TAPBPL: variants seen among roughly 807,000 people sequenced by gnomAD.
TAPBPL encodes the protein tapasin-related protein.
A neutral mutation model predicts 44.8 loss-of-function variants in TAPBPL; 32 were observed. That is an observed-to-expected ratio of 0.71 (90% CI 0.54 to 0.96). The LOEUF (loss-of-function observed/expected upper bound fraction) is 0.96, where lower values mean the gene tolerates loss of function less well. TAPBPL is among the 40% of genes least tolerant of loss of function. TAPBPL has a pLI of 0.00. For synonymous variants in TAPBPL, 230 were observed against 240.7 expected, an observed-to-expected ratio of 0.96 and a Z score of 0.41; for missense variants, 520 against 586.6, an observed-to-expected ratio of 0.89 and a Z score of 1.17.
chr12:6,466,376 C>T (rs1950026231), downstream of TAPBPL: 6 of 1,595,384 alleles, frequency 3.8e-6, no homozygotes, highest in Non-Finnish European at 4.3e-6. Context: ...GTGCAGAGTA[C>T]ACAAAGTGAC....
chr12:6,457,617 A>G lies in TAPBPL; in HGVS notation c.777A>G (p.Gln259=). The G allele has an allele frequency of 6.2e-7, 1 of 1,614,210 alleles. No homozygotes were observed. Among genetic ancestry groups the G allele is most frequent in the Non-Finnish European group, 8.5e-7 (1 of 1,180,020 alleles). The change falls in exon 4 of 7, where the codon CAA becomes CAG. Residue 259 remains glutamine, a synonymous_variant. Transcript: ENST00000266556. ...AGGGCGCTACCCTGGAGCCTGCACAACTGGGCATGGCCAGGGATGCCTCCC... is the reference window on the plus strand; with the variant it reads ...AGGGCGCTACCCTGGAGCCTGCACAGCTGGGCATGGCCAGGGATGCCTCCC... ...VRKGATLEPA[Q]LGMARDASLT... is the part of the protein sequence containing the mutation.
chr12:6,470,965 G>A, downstream of TAPBPL: 1 of 183,826 alleles, frequency 5.4e-6, no homozygotes, highest in Non-Finnish European at 1.2e-5. Context: ...GGGCGCTTCA[G>A]CAGTTTGTTA....
At chr12:6,458,451 C>T (rs555903847) in intron 4 of TAPBPL, among the ~76,000 whole-genome samples, 194 bp from the exon 5 acceptor site, 38 of 152,076 alleles carry the variant, frequency 2.5e-4, no homozygotes, top group African/African-American at 9.2e-4. Flanking sequence ...TATCTGTTTT[C>T]TGGAAAATGT....
At chr12:6,451,920 CT>C, upstream of TAPBPL, 3 of 409,204 alleles carry the variant, frequency 7.3e-6, no homozygotes, top group East Asian at 5.8e-5. Context: ...TATAGCTCCA[CT>C]TTTTTGGGAC....
At chr12:6,460,801 C>A (rs1239008750) in intron 5 of TAPBPL, 54 bp from the exon 6 acceptor site, 23 of 1,577,484 alleles carry the variant, frequency 1.5e-5, no homozygotes, top group Non-Finnish European at 1.8e-5. Flanking sequence ...GGTGAGGGCT[C>A]AGCTCATGAT....
intron 3 of TAPBPL, among the ~76,000 whole-genome samples, chr12:6,455,245 A>G (rs2136981312): frequency 6.6e-6 from 1 of 152,146 alleles, no homozygotes; most frequent in African/African-American, 2.4e-5. Context: ...TAACACTTGA[A>G]CCCCAAACGC....
chr12:6,464,438 G>A (rs1418253621), downstream of TAPBPL: 1 of 1,565,628 alleles, frequency 6.4e-7, no homozygotes, highest in South Asian at 1.2e-5. Context: ...AATGTGGATG[G>A]CAATGGACAA....
rs1949840359 is a variant in TAPBPL at position 6,460,914 on chromosome 12, T to G, written c.1267T>G (p.Phe423Val). ...CAGTCTCTTCCTTCTTGCACTGATG[T>G]TCCTGGGGCTTCAGAGACGGCAAGG... ...ASSLFLLALM[F>V]LGLQRRQAPT... is the part of the protein sequence containing the mutation. Residue 423 changes from phenylalanine (F) to valine (V), a missense_variant, in exon 6 of 7, where the codon TTC becomes GTC. Physicochemically the swap from Phe to Val is conservative, Grantham distance 50 (BLOSUM62 -1). Transcript: ENST00000266556. 6.2e-7 allele frequency: 1 copy of G among 1,614,082 alleles called. No homozygotes were observed. The highest frequency in any genetic ancestry group is 8.5e-7 in the Non-Finnish European group (1 of 1,179,996).
At chr12:6,456,517 C>T (rs563613823) in intron 3 of TAPBPL, among the ~76,000 whole-genome samples, 5 of 151,980 alleles carry the variant, frequency 3.3e-5, no homozygotes, top group African/African-American at 4.8e-5. Flanking sequence ...GCATGCGCCA[C>T]GACACCCAGC....
downstream of TAPBPL, chr12:6,470,504 G>A (rs774734467): frequency 7.4e-6 from 12 of 1,613,846 alleles, no homozygotes; most frequent in Admixed American, 5.0e-5. Flanking sequence ...AGGAGGTGCC[G>A]AGCCCCCACA....
At chr12:6,454,175 A>T (rs1290852676) in intron 3 of TAPBPL, among the ~76,000 whole-genome samples, 2 of 151,690 alleles carry the variant, frequency 1.3e-5, no homozygotes, top group Non-Finnish European at 2.9e-5. Flanking sequence ...CTTCCTAAAA[A>T]CCCCTGAGTC....
At chr12:6,461,934 A>G (rs1033078899) in intron 6 of TAPBPL, 100 bp from the exon 7 acceptor site, 4 of 920,928 alleles carry the variant, frequency 4.3e-6, no homozygotes, top group Admixed American at 2.3e-5. Flanking sequence ...GGACCTAGGA[A>G]GGAGCACAGG....
downstream of TAPBPL, among the ~76,000 whole-genome samples, chr12:6,468,080 A>T (rs532870328): frequency 6.6e-6 from 1 of 152,238 alleles, no homozygotes; most frequent in Non-Finnish European, 1.5e-5. Context: ...GCCCCCACAC[A>T]GAGTCCCCAC....
chr12:6,458,026 C>T (rs1283624600), intron 4 of TAPBPL, among the ~76,000 whole-genome samples: 1 of 152,208 alleles, frequency 6.6e-6, no homozygotes, highest in Non-Finnish European at 1.5e-5. Flanking sequence ...TCCTGAGGAG[C>T]AGCAGCAGCA....
chr12:6,462,882 A>AATGTGGGAAACAAGGGCGAAG (rs1565523471), downstream of TAPBPL: 4 of 1,595,582 alleles, frequency 2.5e-6, no homozygotes, highest in Non-Finnish European at 3.4e-6. Flanking sequence ...CAAGGGCGAA[A>AATGTGGGAAACAAGGGCGAAG]GGAAAGGAAG....
downstream of TAPBPL, chr12:6,465,780 T>C: frequency 1.3e-5 from 21 of 1,591,272 alleles, no homozygotes; most frequent in Non-Finnish European, 1.8e-5. Context: ...AAGCTGAGGG[T>C]TTTCTTGCCT....
At position 6,460,885 on chromosome 12, in the gene TAPBPL, C is replaced by T; in HGVS notation, c.1238C>T (p.Ala413Val). 4 of 1,614,136 alleles carry T rather than the reference C, an allele frequency of 2.5e-6. No individual in the cohort carries two copies. The highest frequency in any genetic ancestry group is 3.4e-6 in the Non-Finnish European group (4 of 1,180,006). Residue 413 changes from alanine to valine, a missense_variant, in exon 6 of 7, where the codon GCC becomes GTC. By Grantham distance (64) the Ala-to-Val change is moderately conservative. Transcript: ENST00000266556. ...AGAACAGCCTTGGGAGTCATCTTTGCCAGCAGTCTCTTCCTTCTTGCACTG... is the reference window on the plus strand; with the variant it reads ...AGAACAGCCTTGGGAGTCATCTTTGTCAGCAGTCTCTTCCTTCTTGCACTG... ...ERRTALGVIF[A>V]SSLFLLALMF... is the part of the protein sequence containing the mutation.
downstream of TAPBPL, chr12:6,465,182 T>G: frequency 1.9e-6 from 1 of 535,990 alleles, no homozygotes. Flanking sequence ...TCCTTTTTGC[T>G]TAGTTCCTGG....
chr12:6,465,383 T>TATATATAA (rs1555130168), downstream of TAPBPL: 28 of 87,376 alleles, frequency 3.2e-4, no homozygotes, highest in East Asian at 6.2e-4. Context: ...AATGTATATA[T>TATATATAA]ATGTATATAT....
Sources: gnomAD v4.1 joint callset for allele counts (sites outside exome capture counted in the v4.1 genomes callset) on GRCh38, gnomAD v4.1.1 for gene constraint, MANE v1.5 for transcripts, NCBI Gene and HGNC (gene_info 2026-07-23, HGNC 2026-07-21) for gene names.